The following SLC44A1 variants were observed in gnomAD, a reference collection of about 807,000 sequenced individuals.
SLC44A1 encodes the protein choline transporter-like protein 1.
Under a neutral mutation model 79.3 loss-of-function variants are expected in SLC44A1, and 26 were observed. The observed-to-expected ratio is 0.33, with a 90% CI of 0.24 to 0.46. The LOEUF is 0.46. Among genes scored for constraint, SLC44A1 ranks in the 20% least tolerant of loss-of-function variants. The pLI, the probability that SLC44A1 is intolerant of heterozygous loss-of-function variation, is 1.00. For missense variants in SLC44A1, 688 were observed against 798.1 expected (o/e 0.86, Z 1.66); for synonymous variants, 263 against 286.2 (o/e 0.92, Z 0.82).
intron 1 of SLC44A1, among the ~76,000 whole-genome samples, chr9:105,287,021 C>T (rs327976): frequency 0.22 from 33,156 of 152,046 alleles, 6,494 homozygotes; most frequent in African/African-American, 0.53. Context: ...AACCCAGAGA[C>T]AAGGAAGGTA....
chr9:105,387,862 T>C lies in SLC44A1; in HGVS notation c.1951-1171T>C, dbSNP rs1420623113. Among the ~76,000 whole-genome samples, 3 of 152,216 alleles carry C rather than the reference T, an allele frequency of 2.0e-5. No homozygotes were observed. The East Asian group carries it at 5.8e-4, about 29-fold the overall frequency. On this transcript the variant is annotated intron_variant, in intron 15 of 15. Transcript: ENST00000374720. ...TTTATAGGTAATAATCCTGGGAGAA[T>C]TGCCCAGGTTATGTGGCATTCTACC...
chr9:105,385,343 G>A, intron 14 of SLC44A1, 79 bp from the exon 15 acceptor site: 1 of 1,020,198 alleles, frequency 9.8e-7, no homozygotes, highest in Non-Finnish European at 1.5e-6. Flanking sequence ...AGTCAAAAAT[G>A]TAGATGTTCT....
At chr9:105,349,850 G>C (rs1361057705) in intron 5 of SLC44A1, among the ~76,000 whole-genome samples, 1 of 152,082 alleles carries the variant, frequency 6.6e-6, no homozygotes, top group African/African-American at 2.4e-5. Flanking sequence ...TGTGTAATAG[G>C]GGCAGGATGT....
At chr9:105,400,150 G>A (rs993644485), downstream of SLC44A1, among the ~76,000 whole-genome samples, 14 of 151,904 alleles carry the variant, frequency 9.2e-5, no homozygotes, top group Middle Eastern at 3.4e-3. Flanking sequence ...AGCCGAGATC[G>A]TGCCATTGCA....
chr9:105,290,293 G>T (rs1430263810), intron 1 of SLC44A1, among the ~76,000 whole-genome samples: 1 of 152,192 alleles, frequency 6.6e-6, no homozygotes, highest in Non-Finnish European at 1.5e-5. Flanking sequence ...GCGAAGTAGA[G>T]CTTTGGTCTA....
chr9:105,255,976 T>C (rs1489215466), intron 1 of SLC44A1, among the ~76,000 whole-genome samples: 1 of 152,158 alleles, frequency 6.6e-6, no homozygotes, highest in African/African-American at 2.4e-5. Flanking sequence ...AAAAATGTTT[T>C]TGTGTTTGAG....
chr9:105,264,108 C>T (rs1479606321), intron 1 of SLC44A1, among the ~76,000 whole-genome samples: 3 of 152,074 alleles, frequency 2.0e-5, no homozygotes, highest in Non-Finnish European at 4.4e-5. Context: ...TTCGGGTTGC[C>T]CTTATCCTTC....
downstream of SLC44A1, among the ~76,000 whole-genome samples, chr9:105,399,434 A>C (rs1828927742): frequency 6.6e-6 from 1 of 152,156 alleles, no homozygotes; most frequent in South Asian, 2.1e-4. Flanking sequence ...TGGTCAACTC[A>C]CTCCATCTTC....
At chr9:105,359,192 G>A (rs951924715) in intron 7 of SLC44A1, among the ~76,000 whole-genome samples, 3 of 152,070 alleles carry the variant, frequency 2.0e-5, no homozygotes, top group African/African-American at 7.2e-5. Flanking sequence ...GTTTTAGTAG[G>A]AACTACTGGT....
chr9:105,365,698 A>G, intron 11 of SLC44A1, 59 bp downstream of exon 11: 2 of 1,471,134 alleles, frequency 1.4e-6, no homozygotes, highest in South Asian at 2.4e-5. Context: ...TCAGTTCTGC[A>G]TGTAGTAAAG....
At position 105,393,065 on chromosome 9, in the gene SLC44A1, C is replaced by A. The variant is rs1360087; in HGVS notation, c.*4009C>A. The A allele has an allele frequency of 0.97, 957,805 of 985,302 alleles. 465,549 individuals carry two copies. The highest frequency in any genetic ancestry group is 1 in the East Asian group (8,817 of 8,822). The allele number at this position is 985,302 out of a possible 1,614,324, so 61.0% of individuals were successfully genotyped here. A position where few individuals can be genotyped will look rare whatever the true frequency, so the allele number is the denominator to read the frequency against. Reference sequence around the variant, plus strand: ...TTTCATACATTCCATCTGACACATACGAGTGCACTATAATGGCTTGCCTAG... The same window carrying A: ...TTTCATACATTCCATCTGACACATAAGAGTGCACTATAATGGCTTGCCTAG... On this transcript the variant is annotated 3_prime_UTR_variant, in exon 16 of 16. Transcript: ENST00000374720.
chr9:105,264,056 C>G (rs1805889041), intron 1 of SLC44A1, among the ~76,000 whole-genome samples: 1 of 152,168 alleles, frequency 6.6e-6, no homozygotes, highest in Non-Finnish European at 1.5e-5. Flanking sequence ...AAAGATTGAG[C>G]TGTCTTCCAA....
chr9:105,288,671 T>C (rs1325081160), intron 1 of SLC44A1, among the ~76,000 whole-genome samples: 4 of 152,320 alleles, frequency 2.6e-5, no homozygotes, highest in African/African-American at 9.6e-5. Context: ...TTCGGATTAT[T>C]TCCTTGGGCT....
chr9:105,351,717 G>T (rs1222347860), intron 5 of SLC44A1, among the ~76,000 whole-genome samples: 4 of 151,624 alleles, frequency 2.6e-5, no homozygotes, highest in African/African-American at 9.7e-5. Flanking sequence ...TTCAATGGAG[G>T]ATTCAAGGAT....
At chr9:105,325,697 C>T (rs369603121) in intron 3 of SLC44A1, among the ~76,000 whole-genome samples, 4 of 152,336 alleles carry the variant, frequency 2.6e-5, no homozygotes, top group Middle Eastern at 3.4e-3. Context: ...CCTCTCAATA[C>T]TGCCACACTG....
At chr9:105,407,937 C>A (rs1004694027) in intron 15 of SLC44A1, among the ~76,000 whole-genome samples, 3 of 151,772 alleles carry the variant, frequency 2.0e-5, no homozygotes, top group Admixed American at 2.0e-4. Flanking sequence ...GAGGCCGAGG[C>A]AGGTGGATCA....
intron 1 of SLC44A1, among the ~76,000 whole-genome samples, chr9:105,297,103 T>G (rs557969214): frequency 6.6e-6 from 1 of 152,296 alleles, no homozygotes; most frequent in African/African-American, 2.4e-5. Context: ...TAGGGTAAGG[T>G]TTTTTTCCAT....
In SLC44A1 at chr9:105,391,899, A is replaced by T; in HGVS notation, c.*2843A>T. Reference sequence around the variant, plus strand: ...CAGGACTCATATTTCTAGAGTTTTAATTGGGGTCCTCTATTGTCAATTGTA... The same window carrying T: ...CAGGACTCATATTTCTAGAGTTTTATTTGGGGTCCTCTATTGTCAATTGTA... On this transcript the variant is annotated 3_prime_UTR_variant, in exon 16 of 16. Transcript: ENST00000374720. The T allele has an allele frequency of 1.0e-6, 1 of 985,350 alleles. No homozygotes were observed. Among genetic ancestry groups the T allele is most frequent in the South Asian group, 4.7e-5 (1 of 21,286 alleles). 61.0% of individuals were successfully genotyped at this position (985,350 alleles called of 1,614,324 possible).
chr9:105,284,839 A>G (rs76066704), intron 1 of SLC44A1, among the ~76,000 whole-genome samples: 2,285 of 152,262 alleles, frequency 0.015, 63 homozygotes, highest in African/African-American at 0.052. Context: ...GATTTTTAGT[A>G]TGTTCATAGA....
Sources: allele counts gnomAD v4.1 joint callset (sites outside exome capture counted in the v4.1 genomes callset), GRCh38; gene constraint gnomAD v4.1.1; transcripts MANE v1.5; gene names NCBI Gene and HGNC (gene_info 2026-07-23, HGNC 2026-07-21).